The following PCDHA7 variants were observed in gnomAD, a reference collection of about 807,000 sequenced individuals.
PCDHA7 encodes protocadherin alpha 7.
In PCDHA7, 37 loss-of-function variants were observed where a neutral mutation model predicts 57.2. The ratio of observed to expected loss-of-function variants is 0.65; its 90% CI spans 0.50 to 0.85. The LOEUF (loss-of-function observed/expected upper bound fraction) is 0.85, where lower values mean the gene tolerates loss of function less well. Among genes scored for constraint, PCDHA7 ranks in the 40% least tolerant of loss-of-function variants. The pLI is 0.00. For synonymous variants in PCDHA7, 553 were observed against 558.8 expected, an observed-to-expected ratio of 0.99 and a Z score of 0.15; for missense variants, 1,188 against 1,241.8, an observed-to-expected ratio of 0.96 and a Z score of 0.65.
At chr5:140,958,593 A>G (rs1412529643) in intron 1 of PCDHA7, among the ~76,000 whole-genome samples, 2 of 152,214 alleles carry the variant, frequency 1.3e-5, no homozygotes, top group African/African-American at 4.8e-5. Context: ...GCTTATGATA[A>G]TTGGATCAAA....
chr5:140,992,381 T>C (rs890804495), intron 3 of PCDHA7, among the ~76,000 whole-genome samples: 5 of 152,200 alleles, frequency 3.3e-5, no homozygotes, highest in Admixed American at 1.3e-4. Context: ...TACATTATTG[T>C]GTTCTGGACT....
At chr5:140,841,311 G>A (rs1312688051) in intron 1 of PCDHA7, 11 of 1,582,128 alleles carry the variant, frequency 7.0e-6, no homozygotes, top group Non-Finnish European at 8.6e-6. Context: ...GATAGGAAAC[G>A]ACTATTTAAC....
chr5:140,996,837 G>A (rs1382866699), intron 3 of PCDHA7, among the ~76,000 whole-genome samples: 7 of 151,992 alleles, frequency 4.6e-5, no homozygotes, highest in African/African-American at 7.3e-5. Flanking sequence ...ATAATTTAGC[G>A]TGCATCTTCA....
intron 3 of PCDHA7, among the ~76,000 whole-genome samples, chr5:140,997,372 A>G (rs2097768557): frequency 6.6e-6 from 1 of 152,208 alleles, no homozygotes; most frequent in Non-Finnish European, 1.5e-5. Context: ...CCTAGATGAT[A>G]TAGCATACTA....
chr5:140,915,630 C>G (rs2077218866), intron 1 of PCDHA7, among the ~76,000 whole-genome samples: 1 of 142,802 alleles, frequency 7.0e-6, no homozygotes, highest in South Asian at 2.1e-4. Flanking sequence ...CTTTCTGTCT[C>G]TCTCTCTCTC....
chr5:140,898,505 T>A (rs1367691811), intron 1 of PCDHA7, among the ~76,000 whole-genome samples: 1 of 152,202 alleles, frequency 6.6e-6, no homozygotes, highest in East Asian at 1.9e-4. Flanking sequence ...GTTGTAGATA[T>A]GCGGCGTTAT....
chr5:140,978,717 T>C (rs545119234), intron 1 of PCDHA7, among the ~76,000 whole-genome samples: 1 of 152,390 alleles, frequency 6.6e-6, no homozygotes, highest in East Asian at 1.9e-4. Context: ...TTTACAAGAT[T>C]ATTAAATCTG....
intron 1 of PCDHA7, among the ~76,000 whole-genome samples, chr5:140,950,799 G>C (rs1218789077): frequency 5.3e-5 from 8 of 151,796 alleles, no homozygotes; most frequent in African/African-American, 1.7e-4. Flanking sequence ...ATATTGTCTG[G>C]TTTTACCATA....
rs570308036 is a variant in PCDHA7 at position 140,863,611 on chromosome 5, C to T, written c.2355+26873C>T. 129 of 339,126 alleles carry T rather than the reference C, an allele frequency of 3.8e-4. 2 individuals are homozygous for T. The highest frequency in any genetic ancestry group is 3.0e-3 in the South Asian group (124 of 41,340). The allele number at this position is 339,126 out of a possible 1,614,324, so 21.0% of individuals were successfully genotyped here. A position where few individuals can be genotyped will look rare whatever the true frequency, so the allele number is the denominator to read the frequency against. On this transcript the variant is annotated intron_variant, in intron 1 of 3. Coordinates refer to ENST00000525929, the MANE Select transcript of PCDHA7 (RefSeq NM_018910.3). ...AAGTATTTCATTCCTATTAATGTCC[C>T]TCATAGTGACATTGATAATGTTCAC...
chr5:140,846,983 T>TC (rs1245867749), intron 1 of PCDHA7, among the ~76,000 whole-genome samples: 3 of 148,244 alleles, frequency 2.0e-5, no homozygotes, highest in African/African-American at 7.4e-5. Context: ...ATAAGTAAGT[T>TC]CCCCCCGGGA....
intron 1 of PCDHA7, chr5:140,930,019 T>G (rs1454076883): frequency 6.6e-6 from 1 of 152,222 alleles, no homozygotes; most frequent in Non-Finnish European, 1.5e-5. Context: ...GATAGCTCCA[T>G]AGCAGTGTTT....
At position 140,838,077 on chromosome 5, in the gene PCDHA7, A is replaced by T. The variant is rs13165987; in HGVS notation, c.2355+1339A>T. ...TTTCCACTTTAAGTTATATATATATAGTGTGTGTGTGTGTGTGTGTGTGTG... is the reference window on the plus strand; with the variant it reads ...TTTCCACTTTAAGTTATATATATATTGTGTGTGTGTGTGTGTGTGTGTGTG... On this transcript the variant is annotated intron_variant, in intron 1 of 3. Coordinates refer to ENST00000525929, the MANE Select transcript of PCDHA7 (RefSeq NM_018910.3). 6.6e-3 allele frequency among the ~76,000 whole-genome samples: 531 copies of T among 80,680 alleles called. 3 individuals carry two copies. The highest frequency in any genetic ancestry group is 0.029 in the Middle Eastern group (4 of 136). The allele number at this position is 80,680 out of a possible 152,430, so 52.9% of individuals were successfully genotyped here. A position where few individuals can be genotyped will look rare whatever the true frequency, so the allele number is the denominator to read the frequency against.
chr5:140,939,510 A>G (rs2092401222), intron 1 of PCDHA7, among the ~76,000 whole-genome samples: 1 of 150,724 alleles, frequency 6.6e-6, no homozygotes, highest in Admixed American at 6.6e-5. Flanking sequence ...TGTCTATAAC[A>G]TTAATAGTTA....
chr5:140,870,005 T>A lies in PCDHA7; in HGVS notation c.2355+33267T>A, dbSNP rs1006397532. 1 of 1,612,940 alleles carries A rather than the reference T, an allele frequency of 6.2e-7. No individual in the cohort carries two copies. The highest frequency in any genetic ancestry group is 1.7e-5 in the Admixed American group (1 of 59,888). The stretch of plus-strand genomic sequence containing the variant: ...ACACTAGATCAAAATAATGGAGAAG[T>A]GAGGGTCAATGGAACTTTAGATTAT... On this transcript the variant is annotated intron_variant, in intron 1 of 3. Coordinates refer to ENST00000525929, the MANE Select transcript of PCDHA7 (RefSeq NM_018910.3).
chr5:140,840,105 T>A (rs1418979878), intron 1 of PCDHA7, among the ~76,000 whole-genome samples: 1 of 151,974 alleles, frequency 6.6e-6, no homozygotes, highest in Non-Finnish European at 1.5e-5. Context: ...TTTAGTGAAA[T>A]CGAGTGAAAG....
Position 140,999,523 on chromosome 5 carries a change from C to A in PCDHA7, c.2504-10104C>A, listed in dbSNP as rs115576128. On this transcript the variant is annotated intron_variant, in intron 3 of 3. Coordinates refer to ENST00000525929, the MANE Select transcript of PCDHA7 (RefSeq NM_018910.3). ...AACCTACATTTTAAGCATTTTGTTA[C>A]CCCCTGGATATGACAGCCAATGAAG... is the stretch of plus-strand genomic sequence containing the variant. Among the ~76,000 whole-genome samples, 464 of 152,142 alleles carry A rather than the reference C, an allele frequency of 3.0e-3. 6 individuals carry two copies. Among genetic ancestry groups the A allele is most frequent in the Middle Eastern group, 0.01 (3 of 294 alleles).
At chr5:140,868,935 G>A in intron 1 of PCDHA7, 1 of 1,171,026 alleles carries the variant, frequency 8.5e-7, no homozygotes, top group South Asian at 1.6e-5. Flanking sequence ...TTAAAGGTTG[G>A]TCTGAACAGT....
chr5:140,907,883 G>GTGAA (rs2073669227), intron 1 of PCDHA7, among the ~76,000 whole-genome samples: 1 of 152,110 alleles, frequency 6.6e-6, no homozygotes, highest in Non-Finnish European at 1.5e-5. Flanking sequence ...CACTCACATG[G>GTGAA]GATACAAATA....
At chr5:140,875,606 T>C in intron 1 of PCDHA7, 4 of 1,613,864 alleles carry the variant, frequency 2.5e-6, no homozygotes, top group Middle Eastern at 3.4e-4. Flanking sequence ...GGCACCTTCG[T>C]GGGCCGCATC....
Sources: gnomAD v4.1 joint callset for allele counts (sites outside exome capture counted in the v4.1 genomes callset) on GRCh38, gnomAD v4.1.1 for gene constraint, MANE v1.5 for transcripts, NCBI Gene and HGNC (gene_info 2026-07-23, HGNC 2026-07-21) for gene names.